Variants in EPB41L1 observed in about 807,000 individuals in gnomAD.
EPB41L1 encodes the protein erythrocyte membrane protein band 4.1 like 1.
In EPB41L1, 29 loss-of-function variants were observed where a neutral mutation model predicts 97.8. The observed-to-expected ratio is 0.30, with a 90% confidence interval of 0.22 to 0.40. The LOEUF (loss-of-function observed/expected upper bound fraction) is 0.40, where lower values mean the gene tolerates loss of function less well. EPB41L1 is among the 10% of genes least tolerant of loss of function. The pLI is 1.00. For missense variants in EPB41L1, 812 were observed against 1,162.3 expected (o/e 0.70, Z 4.38); for synonymous variants, 383 against 459.2 (o/e 0.83, Z 2.12).
In EPB41L1 at chr20:36,229,468, G is replaced by T; in HGVS notation, c.*128G>T. ...CTGCGACGTACTGTCACTGATGAGA[G>T]ACTGGGAAGGGAAAAGCATATATAT... On this transcript the variant is annotated 3_prime_UTR_variant, in exon 22 of 22. Coordinates refer to ENST00000338074, the MANE Select transcript of EPB41L1 (RefSeq NM_012156.2). 2 of 868,414 alleles carry T rather than the reference G, an allele frequency of 2.3e-6. No individual in the cohort carries two copies. Among genetic ancestry groups the T allele is most frequent in the Non-Finnish European group, 3.9e-6 (2 of 506,966 alleles). The allele number at this position is 868,414 out of a possible 1,614,324, so 53.8% of individuals were successfully genotyped here. A position where few individuals can be genotyped will look rare whatever the true frequency, so the allele number is the denominator to read the frequency against.
Position 36,206,595 on chromosome 20 carries a change from C to T in EPB41L1, c.1669-2893C>T, listed in dbSNP as rs1569316264. 1.6e-6 allele frequency: 2 copies of T among 1,289,808 alleles called. No individual in the cohort carries two copies. 79.9% of individuals were successfully genotyped at this position (1,289,808 alleles called of 1,614,324 possible). A position where few individuals can be genotyped will look rare whatever the true frequency, so the allele number is the denominator to read the frequency against. ...CCAGGCCGACGCTGAATTCCTTAGA[C>T]CTGAGGGTTTCTGCTGCTGCTTCCA... On this transcript the variant is annotated intron_variant, in intron 14 of 21. Transcript: ENST00000338074. This position sits in a 1 kb window ranked among gnomAD's most constrained non-coding sequence, Gnocchi z 5.5.
intron 17 of EPB41L1, among the ~76,000 whole-genome samples, chr20:36,218,102 A>G (rs1312740223): frequency 6.6e-6 from 1 of 152,194 alleles, no homozygotes; most frequent in Non-Finnish European, 1.5e-5. Flanking sequence ...CTGAAGGGAA[A>G]GATTCCCAAG....
intron 7 of EPB41L1, 108 bp from the exon 8 acceptor site, chr20:36,187,567 GC>G (rs2061734957): frequency 1.0e-5 from 9 of 869,156 alleles, no homozygotes; most frequent in Non-Finnish European, 1.5e-5. Flanking sequence ...GTGAGGCTCA[GC>G]ATATTTGACT....
chr20:36,095,041 G>A (rs1046561054), intron 1 of EPB41L1, among the ~76,000 whole-genome samples: 4 of 151,134 alleles, frequency 2.6e-5, no homozygotes, highest in African/African-American at 9.8e-5. Context: ...GCATGATCTC[G>A]GCTCACTGCA....
At chr20:36,133,733 T>C (rs1186478888) in intron 2 of EPB41L1, among the ~76,000 whole-genome samples, 1 of 152,014 alleles carries the variant, frequency 6.6e-6, no homozygotes, top group Non-Finnish European at 1.5e-5. Context: ...CATGCGCCTC[T>C]GTGGTCCCAA....
chr20:36,207,473 A>C lies in EPB41L1; in HGVS notation c.1669-2015A>C. The C allele has an allele frequency of 1.6e-6, 2 of 1,289,846 alleles. No individual in the cohort carries two copies. The highest frequency in any genetic ancestry group is 2.0e-6 in the Non-Finnish European group (2 of 988,872). 79.9% of individuals were successfully genotyped at this position (1,289,846 alleles called of 1,614,324 possible). ...AACAAAATTCGGATATTTGAGACCC[A>C]CGGAGCTGAAACTCGCCGAATGAGT... is the stretch of plus-strand genomic sequence containing the variant. On this transcript the variant is annotated intron_variant, in intron 14 of 21. Transcript: ENST00000338074. The surrounding 1 kb of genome is among the most constrained non-coding windows in gnomAD (Gnocchi z 4.9).
chr20:36,164,211 C>T (rs2060644798), intron 1 of EPB41L1, among the ~76,000 whole-genome samples: 1 of 152,160 alleles, frequency 6.6e-6, no homozygotes, highest in Non-Finnish European at 1.5e-5. Context: ...AAGGGACAGT[C>T]CAATGGGCCA....
At chr20:36,166,709 A>G (rs1473408708) in intron 1 of EPB41L1, among the ~76,000 whole-genome samples, 1 of 152,042 alleles carries the variant, frequency 6.6e-6, no homozygotes, top group African/African-American at 2.4e-5. Context: ...ACTAAAATAC[A>G]AAATAATTAG....
chr20:36,190,661 G>A lies in EPB41L1; in HGVS notation c.1164G>A (p.Val388=). 1 of 1,613,966 alleles carries A rather than the reference G, an allele frequency of 6.2e-7. No homozygotes were observed. Residue 388 remains valine, a synonymous_variant, in exon 11 of 22, where the codon GTG becomes GTA. Coordinates refer to ENST00000338074, the MANE Select transcript of EPB41L1 (RefSeq NM_012156.2). The surrounding 1 kb of genome is among the most constrained non-coding windows in gnomAD (Gnocchi z 5.8). Reference sequence around the variant, plus strand: ...AGCCCCCACCCAAGGGCTTCCTGGTGATGGGCTCCAAGTTCCGGTACAGTG... The same window carrying A: ...AGCCCCCACCCAAGGGCTTCCTGGTAATGGGCTCCAAGTTCCGGTACAGTG... ...SPEPPPKGFL[V]MGSKFRYSGR... is the part of the protein sequence containing the mutation.
Position 36,190,540 on chromosome 20 carries a change from A to C in EPB41L1, c.1125-82A>C. On this transcript the variant is annotated intron_variant, in intron 10 of 21. Coordinates refer to ENST00000338074, the MANE Select transcript of EPB41L1 (RefSeq NM_012156.2). The surrounding 1 kb of genome is among the most constrained non-coding windows in gnomAD (Gnocchi z 5.8). ...TTGTTGTAGTTGGTGGAGTAGTGGG[A>C]TGAAAGGCCAGCTGTGGTCTAACCT... 6.3e-7 allele frequency: 1 copy of C among 1,588,112 alleles called. No individual in the cohort carries two copies. The highest frequency in any genetic ancestry group is 1.7e-5 in the Admixed American group (1 of 59,726).
chr20:36,146,211 T>C (rs2059824966), intron 2 of EPB41L1, among the ~76,000 whole-genome samples: 1 of 152,204 alleles, frequency 6.6e-6, no homozygotes, highest in South Asian at 2.1e-4. Context: ...ATGTGACTGT[T>C]TTCTGTAGAG....
intron 3 of EPB41L1, 93 bp downstream of exon 3, chr20:36,175,808 C>A: frequency 7.3e-7 from 1 of 1,368,986 alleles, no homozygotes; most frequent in Non-Finnish European, 1.0e-6. Context: ...TGGGCCAAAC[C>A]AGAGGAGTCC....
chr20:36,113,241 A>G (rs538310446), intron 2 of EPB41L1, among the ~76,000 whole-genome samples: 3 of 152,332 alleles, frequency 2.0e-5, no homozygotes, highest in Admixed American at 2.0e-4. Context: ...GAACTCAGCC[A>G]ATGGAGTTAC....
At chr20:36,175,820 G>A in intron 3 of EPB41L1, 105 bp downstream of exon 3, 1 of 1,230,700 alleles carries the variant, frequency 8.1e-7, no homozygotes, top group South Asian at 1.3e-5. Context: ...GAGGAGTCCT[G>A]GACCAGTCAC....
At chr20:36,159,606 G>T (rs1270370484) in intron 1 of EPB41L1, among the ~76,000 whole-genome samples, 1 of 152,168 alleles carries the variant, frequency 6.6e-6, no homozygotes, top group African/African-American at 2.4e-5. Flanking sequence ...GTTGCTCAGT[G>T]GTTTGCAAAT....
chr20:36,195,530 C>T lies in EPB41L1; in HGVS notation c.1485+166C>T, dbSNP rs571374822. On this transcript the variant is annotated intron_variant, in intron 13 of 21. Transcript: ENST00000338074. This position sits in a 1 kb window ranked among gnomAD's most constrained non-coding sequence, Gnocchi z 4.6. ...CTGCAGCCGTCCTTGCTCCCCACTC[C>T]GCCACCCGCTAAGCTTCTCTCTCCA... 6.1e-4 allele frequency among the ~76,000 whole-genome samples: 93 copies of T among 152,248 alleles called. No individual in the cohort carries two copies. Among genetic ancestry groups the T allele is most frequent in the Non-Finnish European group, 1.1e-3 (77 of 68,014 alleles).
chr20:36,163,896 G>A (rs954025767), intron 1 of EPB41L1, among the ~76,000 whole-genome samples: 8 of 151,914 alleles, frequency 5.3e-5, no homozygotes, highest in East Asian at 1.9e-4. Context: ...AGTCTCTGTC[G>A]TCCAGGCTAG....
intron 14 of EPB41L1, among the ~76,000 whole-genome samples, chr20:36,204,065 G>A (rs2062654996): frequency 6.6e-6 from 1 of 152,162 alleles, no homozygotes; most frequent in Admixed American, 6.5e-5. Context: ...TCATGGTAGG[G>A]TGGAGAGGAC....
intron 21 of EPB41L1, among the ~76,000 whole-genome samples, chr20:36,226,078 T>C (rs1361190569): frequency 6.6e-6 from 1 of 152,160 alleles, no homozygotes; most frequent in African/African-American, 2.4e-5. Flanking sequence ...GTAATTATGG[T>C]CAAGTAGAAC....
Sources: allele counts gnomAD v4.1 joint callset (sites outside exome capture counted in the v4.1 genomes callset), GRCh38; gene constraint gnomAD v4.1.1; non-coding constraint Gnocchi (gnomAD v3.1); transcripts MANE v1.5; gene names NCBI Gene and HGNC (gene_info 2026-07-23, HGNC 2026-07-21).